Variants in MAP4 observed in about 807,000 individuals in gnomAD.
MAP4 encodes microtubule-associated protein 4.
MAP4 carries 76 observed loss-of-function variants against 170.2 expected under a neutral mutation model. That is an observed-to-expected ratio of 0.45 (90% CI 0.37 to 0.54). MAP4 has a LOEUF of 0.54. Ranked by LOEUF, MAP4 falls within the 20% of genes least tolerant of loss-of-function variation. The pLI, the probability that MAP4 is intolerant of heterozygous loss-of-function variation, is 0.00. For missense variants in MAP4, 2,506 were observed against 2,748.0 expected (o/e 0.91, Z 1.97); for synonymous variants, 909 against 994.5 (o/e 0.91, Z 1.62).
chr3:47,962,318 C>G (rs193151400), intron 3 of MAP4, among the ~76,000 whole-genome samples: 1 of 152,316 alleles, frequency 6.6e-6, no homozygotes, highest in Admixed American at 6.5e-5. Flanking sequence ...AGCCAAGAAC[C>G]CTCCTGGGTT....
chr3:47,973,605 C>G, intron 3 of MAP4: 1 of 984,906 alleles, frequency 1.0e-6, no homozygotes, highest in African/African-American at 1.7e-5. Flanking sequence ...ATAAGCATAA[C>G]CAAATGGAAA....
chr3:47,893,815 C>T (rs116670579), intron 10 of MAP4, among the ~76,000 whole-genome samples: 9 of 148,376 alleles, frequency 6.1e-5, no homozygotes, highest in Non-Finnish European at 1.3e-4. Context: ...GATTTGATGA[C>T]AGTTTTTAAA....
In MAP4 at chr3:47,851,503, GC is replaced by G. The variant is rs1346754437; in HGVS notation, c.*1430del. ...TCCTCAGAGGCAAATCTACACTGCA[GC>G]CAATCCCCCTCCAGAGAAGCCCTTG... On this transcript the variant is annotated 3_prime_UTR_variant, in exon 21 of 21. Coordinates refer to ENST00000683076, the MANE Select transcript of MAP4 (RefSeq NM_001385682.1). 6.6e-6 allele frequency: 1 copy of G among 152,254 alleles called. No homozygotes were observed. The highest frequency in any genetic ancestry group is 2.4e-5 in the African/African-American group (1 of 41,454). 9.4% of individuals were successfully genotyped at this position (152,254 alleles called of 1,614,324 possible). A position where few individuals can be genotyped will look rare whatever the true frequency, so the allele number is the denominator to read the frequency against.
intron 1 of MAP4, among the ~76,000 whole-genome samples, chr3:48,049,748 T>C (rs1282226751): frequency 5.3e-5 from 8 of 151,750 alleles, no homozygotes; most frequent in East Asian, 3.9e-4. Context: ...CTGGCCAACA[T>C]AGTGAAACCC....
chr3:47,864,717 A>T (rs2076402159), intron 17 of MAP4, among the ~76,000 whole-genome samples: 3 of 151,994 alleles, frequency 2.0e-5, no homozygotes, highest in African/African-American at 4.8e-5. Flanking sequence ...AAATACAAAA[A>T]TTAGCTAGGC....
intron 3 of MAP4, among the ~76,000 whole-genome samples, chr3:47,967,847 T>C (rs2100076004): frequency 6.6e-6 from 1 of 152,028 alleles, no homozygotes; most frequent in African/African-American, 2.4e-5. Flanking sequence ...CCTGTAGTCC[T>C]AGCTACTTGG....
At position 47,910,126 on chromosome 3, in the gene MAP4, AGAG is replaced by A. The variant is rs1241608879; in HGVS notation, c.4292_4294del (p.Pro1431del). 2.5e-6 allele frequency: 4 copies of A among 1,613,990 alleles called. No individual in the cohort carries two copies. In the East Asian group the frequency reaches 6.7e-5, roughly 27 times the overall value. On this transcript the variant is annotated inframe_deletion, in exon 9 of 21. Coordinates refer to ENST00000683076, the MANE Select transcript of MAP4 (RefSeq NM_001385682.1). ...ACAGGCTGCTGATTCCAGAACCTCTAGAGGAGATGATTTATTTATCAGCTCTGA... is the reference window on the plus strand; with the variant it reads ...ACAGGCTGCTGATTCCAGAACCTCTAGAGATGATTTATTTATCAGCTCTGA...
chr3:47,864,608 C>T lies in MAP4; in HGVS notation c.6501+2638G>A, dbSNP rs776117737. ...AGGAGAATAGCATCAATCCGGGAGGCGGAGCTTGCAGTGAGCCGAGATCGC... is the reference window on the plus strand; with the variant it reads ...AGGAGAATAGCATCAATCCGGGAGGTGGAGCTTGCAGTGAGCCGAGATCGC... On this transcript the variant is annotated intron_variant, in intron 17 of 20. Coordinates refer to ENST00000683076, the MANE Select transcript of MAP4 (RefSeq NM_001385682.1). 1.9e-4 allele frequency among the ~76,000 whole-genome samples: 29 copies of T among 152,266 alleles called. 1 individual carries two copies. The South Asian group carries it at 3.5e-3, about 19-fold the overall frequency.
chr3:47,893,000 A>G (rs1329654321), intron 10 of MAP4, among the ~76,000 whole-genome samples: 5 of 150,676 alleles, frequency 3.3e-5, no homozygotes, highest in Non-Finnish European at 5.9e-5. Context: ...AGAACAATGA[A>G]TCCAGGAAAT....
Position 47,997,326 on chromosome 3 carries a change from T to TAAAAAAAAAAAAAA in MAP4, c.223+1298_223+1311dup. On this transcript the variant is annotated intron_variant, in intron 2 of 20. Coordinates refer to ENST00000683076, the MANE Select transcript of MAP4 (RefSeq NM_001385682.1). The stretch of plus-strand genomic sequence containing the variant: ...TCTAAACACAACATATTTAAACTGC[T>TAAAAAAAAAAAAAA]AAAAAAAAAAAAAAAAAAAGATAAA... 2.0e-3 allele frequency among the ~76,000 whole-genome samples: 88 copies of TAAAAAAAAAAAAAA among 44,932 alleles called. 1 individual carries two copies. Among genetic ancestry groups the TAAAAAAAAAAAAAA allele is most frequent in the African/African-American group, 2.3e-3 (24 of 10,556 alleles). 29.5% of individuals were successfully genotyped at this position (44,932 alleles called of 152,430 possible).
intron 1 of MAP4, among the ~76,000 whole-genome samples, chr3:48,083,733 T>A: frequency 7.0e-6 from 1 of 143,230 alleles, no homozygotes; most frequent in East Asian, 2.2e-4. Context: ...TAAGATTAAC[T>A]TTTTTTTTTT....
intron 1 of MAP4, among the ~76,000 whole-genome samples, chr3:48,083,568 T>C (rs1022837087): frequency 6.6e-6 from 1 of 151,886 alleles, no homozygotes; most frequent in African/African-American, 2.4e-5. Context: ...GTTTTTACCA[T>C]GTTGGCCAGG....
chr3:47,870,989 G>A lies in MAP4; in HGVS notation c.6118C>T (p.Pro2040Ser), dbSNP rs751479716. 3 of 1,614,150 alleles carry A rather than the reference G, an allele frequency of 1.9e-6. No individual in the cohort carries two copies. In the Admixed American group the frequency reaches 5.0e-5, roughly 27 times the overall value. ...VPSRVKATPM[P>S]SRPSTTPFID... The stretch of plus-strand genomic sequence containing the variant: ...AAAGGAGTTGTGGAGGGCCGGGAGG[G>A]CATGGGTGTGGCCTTGACTCGGCTG... Residue 2040 changes from proline (P) to serine (S), a missense_variant, in exon 15 of 21, where the codon CCC becomes TCC. By Grantham distance (74) the Pro-to-Ser change is moderately conservative. Coordinates refer to ENST00000683076, the MANE Select transcript of MAP4 (RefSeq NM_001385682.1).
At chr3:47,893,765 T>G (rs1011777262) in intron 10 of MAP4, among the ~76,000 whole-genome samples, 3 of 152,100 alleles carry the variant, frequency 2.0e-5, no homozygotes, top group Non-Finnish European at 2.9e-5. Flanking sequence ...ATTGCTTTTT[T>G]TTTTTTTTTA....
chr3:47,975,851 G>A (rs953711631), intron 3 of MAP4, among the ~76,000 whole-genome samples: 20 of 150,628 alleles, frequency 1.3e-4, no homozygotes, highest in Non-Finnish European at 2.9e-5. Flanking sequence ...GTGCAGTGGT[G>A]CGATCTCGGC....
intron 2 of MAP4, among the ~76,000 whole-genome samples, chr3:47,997,973 A>G (rs2100096871): frequency 6.6e-6 from 1 of 152,238 alleles, no homozygotes. Flanking sequence ...CCAGGCCCAG[A>G]TAGCTTTATT....
rs540413646 is a variant in MAP4 at position 48,029,564 on chromosome 3, A to C, written c.-19-30685T>G. On this transcript the variant is annotated intron_variant, in intron 1 of 18. Coordinates refer to the MAP4 transcript ENST00000360240. Reference sequence around the variant, plus strand: ...GGTCCTGACACCTCTGCTTTATGGAAAAGGCAAGAATGCATACTGATTCCT... The same window carrying C: ...GGTCCTGACACCTCTGCTTTATGGACAAGGCAAGAATGCATACTGATTCCT... Among the ~76,000 whole-genome samples, 14 of 152,332 alleles carry C rather than the reference A, an allele frequency of 9.2e-5. No individual in the cohort carries two copies. In the South Asian group the frequency reaches 2.7e-3, roughly 29 times the overall value.
At chr3:47,985,777 G>A (rs764354990) in intron 2 of MAP4, among the ~76,000 whole-genome samples, 1 of 152,152 alleles carries the variant, frequency 6.6e-6, no homozygotes, top group Non-Finnish European at 1.5e-5. Flanking sequence ...GAAAACTAAC[G>A]TGATTCCAGA....
At chr3:47,953,644 T>C (rs1438858979) in intron 3 of MAP4, among the ~76,000 whole-genome samples, 1 of 152,164 alleles carries the variant, frequency 6.6e-6, no homozygotes, top group East Asian at 1.9e-4. Context: ...ATAGAAATGT[T>C]GGAATGGATT....
Sources: gnomAD v4.1 joint callset for allele counts (sites outside exome capture counted in the v4.1 genomes callset) on GRCh38, gnomAD v4.1.1 for gene constraint, MANE v1.5 for transcripts, NCBI Gene and HGNC (gene_info 2026-07-23, HGNC 2026-07-21) for gene names.